MDH2: variants seen among roughly 807,000 people sequenced by gnomAD.
The protein encoded by MDH2 is malate dehydrogenase 2.
MDH2 carries 25 observed loss-of-function variants against 33.6 expected under a neutral mutation model. The ratio of observed to expected loss-of-function variants is 0.74; its 90% CI spans 0.54 to 1.04. The LOEUF (loss-of-function observed/expected upper bound fraction) is 1.04. Among genes scored for constraint, MDH2 ranks in the 50% least tolerant of loss-of-function variants. The pLI is 0.00. For missense variants in MDH2, 432 were observed against 445.0 expected (o/e 0.97, Z 0.26); for synonymous variants, 193 against 188.7 (o/e 1.02, Z -0.19).
At chr7:76,056,762 C>T (rs1234412686) in intron 2 of MDH2, among the ~76,000 whole-genome samples, 1 of 151,630 alleles carries the variant, frequency 6.6e-6, no homozygotes, top group East Asian at 1.9e-4. Context: ...CCTGTAATCC[C>T]AGTACTTTGG....
intron 4 of MDH2, among the ~76,000 whole-genome samples, chr7:76,058,639 TAA>T (rs1446237648): frequency 2.0e-5 from 3 of 152,194 alleles, no homozygotes; most frequent in African/African-American, 7.2e-5. Context: ...GATACTATAA[TAA>T]AAGTTATTTC....
chr7:76,064,413 G>A lies in MDH2; in HGVS notation c.708G>A (p.Glu236=). 6.2e-7 allele frequency: 1 copy of A among 1,613,568 alleles called. No individual in the cohort carries two copies. The highest frequency in any genetic ancestry group is 8.5e-7 in the Non-Finnish European group (1 of 1,179,874). The change falls in exon 7 of 9, where the codon GAG becomes GAA. Residue 236 remains glutamate (E), a synonymous_variant. Transcript: ENST00000315758. ...LTGRIQEAGT[E]VVKAKAGAGS... is the part of the protein sequence containing the mutation. ...GGCGGATCCAGGAGGCCGGCACGGA[G>A]GTGGTCAAGGCTAAAGCCGGAGCAG...
intron 6 of MDH2, 38 bp downstream of exon 6, chr7:76,063,630 G>T: frequency 6.3e-7 from 1 of 1,592,586 alleles, no homozygotes; most frequent in South Asian, 1.1e-5. Flanking sequence ...TTCGAGGTCA[G>T]GATTCCCTTT....
chr7:76,049,199 C>G (rs1797500566), intron 1 of MDH2, among the ~76,000 whole-genome samples: 1 of 152,106 alleles, frequency 6.6e-6, no homozygotes, highest in South Asian at 2.1e-4. Flanking sequence ...TGGCTACTTC[C>G]CATACCCATC....
chr7:76,054,177 C>G (rs941766237), intron 1 of MDH2, among the ~76,000 whole-genome samples: 1 of 152,140 alleles, frequency 6.6e-6, no homozygotes, highest in Admixed American at 6.6e-5. Context: ...GATACTGGAG[C>G]CCGAGATGAC....
At chr7:76,048,960 C>T (rs1341419029) in intron 1 of MDH2, 49 of 809,590 alleles carry the variant, frequency 6.1e-5, no homozygotes, top group Non-Finnish European at 7.0e-5. Context: ...CGTCTGGGTT[C>T]ATTGAAGAAG....
At chr7:76,053,218 A>C (rs1797674213) in intron 1 of MDH2, among the ~76,000 whole-genome samples, 1 of 152,182 alleles carries the variant, frequency 6.6e-6, no homozygotes, top group Non-Finnish European at 1.5e-5. Context: ...TTTAGTGAAC[A>C]CAAGTGCCAT....
At chr7:76,052,018 G>A (rs1206440518) in intron 1 of MDH2, among the ~76,000 whole-genome samples, 1 of 152,194 alleles carries the variant, frequency 6.6e-6, no homozygotes, top group African/African-American at 2.4e-5. Flanking sequence ...TATACAAACA[G>A]TGACATCACC....
At chr7:76,060,829 C>T (rs1797926441) in intron 5 of MDH2, among the ~76,000 whole-genome samples, 2 of 151,944 alleles carry the variant, frequency 1.3e-5, no homozygotes, top group East Asian at 1.9e-4. Flanking sequence ...TCCCCTTTCT[C>T]CTTGCCCCTG....
At chr7:76,055,061 T>G in intron 2 of MDH2, 63 bp downstream of exon 2, 9 of 1,520,774 alleles carry the variant, frequency 5.9e-6, no homozygotes, top group Non-Finnish European at 7.1e-6. Context: ...ATTCGAGTTT[T>G]GAGTAAGATT....
intron 5 of MDH2, among the ~76,000 whole-genome samples, chr7:76,063,024 A>G (rs1274588516): frequency 6.6e-6 from 1 of 152,224 alleles, no homozygotes; most frequent in African/African-American, 2.4e-5. Context: ...TTCTGTCCCA[A>G]TCACTGTTTG....
At chr7:76,059,617 G>A (rs530510511) in intron 4 of MDH2, among the ~76,000 whole-genome samples, 1 of 152,348 alleles carries the variant, frequency 6.6e-6, no homozygotes, top group African/African-American at 2.4e-5. Context: ...CTGGGTCCTG[G>A]TGTCTGAGGA....
chr7:76,057,444 G>A lies in MDH2; in HGVS notation c.270G>A (p.Leu90=). 1 of 1,614,196 alleles carries A rather than the reference G, an allele frequency of 6.2e-7. No homozygotes were observed. Among genetic ancestry groups the A allele is most frequent in the Non-Finnish European group, 8.5e-7 (1 of 1,180,040 alleles). The change falls in exon 3 of 9, where the codon CTG becomes CTA. Residue 90 remains leucine, a synonymous_variant. Transcript: ENST00000315758. The part of the protein sequence containing the change: ...YLGPEQLPDC[L]KGCDVVVIPA... The stretch of plus-strand genomic sequence containing the variant: ...GACCTGAACAGCTGCCTGACTGCCT[G>A]AAAGGTTGTGATGTGGTAGTTATTC...
intron 1 of MDH2, among the ~76,000 whole-genome samples, chr7:76,051,720 A>T (rs1343358131): frequency 6.6e-6 from 1 of 152,214 alleles, no homozygotes; most frequent in African/African-American, 2.4e-5. Context: ...ATATAAACTC[A>T]AGTAGAAATT....
rs140972058 is a variant in MDH2, at chr7:76,057,474, T to G, written c.300T>G (p.Ala100=). 1.6e-4 allele frequency: 255 copies of G among 1,614,068 alleles called. No individual in the cohort carries two copies. Among genetic ancestry groups the G allele is most frequent in the Admixed American group, 3.3e-5 (2 of 59,998 alleles). The change falls in exon 3 of 9, where the codon GCT becomes GCG. Residue 100 remains alanine, a synonymous_variant. Coordinates refer to ENST00000315758, the MANE Select transcript of MDH2 (RefSeq NM_005918.4). Reference sequence around the variant, plus strand: ...GTTGTGATGTGGTAGTTATTCCGGCTGGAGTCCCCAGAAAGCCAGGTTTGT... The same window carrying G: ...GTTGTGATGTGGTAGTTATTCCGGCGGGAGTCCCCAGAAAGCCAGGTTTGT... ...LKGCDVVVIP[A]GVPRKPGMTR...
At chr7:76,050,068 G>T (rs1348997748) in intron 1 of MDH2, among the ~76,000 whole-genome samples, 5 of 143,362 alleles carry the variant, frequency 3.5e-5, no homozygotes, top group African/African-American at 1.5e-4. Context: ...GTCCCACTCT[G>T]TTGCCCAGGA....
At chr7:76,059,958 G>A (rs1245475801) in intron 4 of MDH2, among the ~76,000 whole-genome samples, 1 of 152,134 alleles carries the variant, frequency 6.6e-6, no homozygotes, top group Non-Finnish European at 1.5e-5. Flanking sequence ...AGGGAGTTAG[G>A]GTGACCTGCC....
At chr7:76,050,690 T>C (rs1403825700) in intron 1 of MDH2, among the ~76,000 whole-genome samples, 1 of 152,136 alleles carries the variant, frequency 6.6e-6, no homozygotes, top group East Asian at 1.9e-4. Flanking sequence ...AGGAGTTCAT[T>C]GTGGTTATCT....
At chr7:76,064,513 CT>C (rs1798041333) in intron 7 of MDH2, 75 bp downstream of exon 7, 14 of 1,291,370 alleles carry the variant, frequency 1.1e-5, no homozygotes, top group Non-Finnish European at 1.4e-5. Context: ...AGAAATGCTG[CT>C]TGTCCCTGGG....
Sources: gnomAD v4.1 joint callset for allele counts (sites outside exome capture counted in the v4.1 genomes callset) on GRCh38, gnomAD v4.1.1 for gene constraint, MANE v1.5 for transcripts, NCBI Gene and HGNC (gene_info 2026-07-23, HGNC 2026-07-21) for gene names.